Variants in SEMA3F observed in about 807,000 individuals in gnomAD.
SEMA3F encodes semaphorin 3F.
Under a neutral mutation model 98.5 loss-of-function variants are expected in SEMA3F, and 30 were observed. The observed-to-expected ratio is 0.30, with a 90% CI of 0.23 to 0.41. SEMA3F has a LOEUF of 0.41. SEMA3F is among the 10% of genes least tolerant of loss of function. SEMA3F has a pLI of 1.00. For missense variants in SEMA3F, 866 were observed against 1,119.3 expected (o/e 0.77, Z 3.23); for synonymous variants, 380 against 444.8 (o/e 0.85, Z 1.83).
At chr3:50,184,967 G>A (rs776004463) in intron 13 of SEMA3F, among the ~76,000 whole-genome samples, 153 bp downstream of exon 13, 2 of 152,182 alleles carry the variant, frequency 1.3e-5, no homozygotes, top group African/African-American at 4.8e-5. Flanking sequence ...CCCTATTGAT[G>A]GGATAACAGA....
chr3:50,165,159 G>A (rs1475981782), intron 2 of SEMA3F, among the ~76,000 whole-genome samples: 1 of 152,174 alleles, frequency 6.6e-6, no homozygotes, highest in African/African-American at 2.4e-5. Flanking sequence ...CAGGCTTCAT[G>A]GAGGAGGCTG....
Position 50,155,431 on chromosome 3 carries a change from G to T in SEMA3F, c.-182G>T, listed in dbSNP as rs1335732828. On this transcript the variant is annotated 5_prime_UTR_variant, in exon 1 of 19. Transcript: ENST00000002829. This position sits in a 1 kb window ranked among gnomAD's most constrained non-coding sequence, Gnocchi z 4.9. ...AAGCCGCGGCCGCGGCGCCGATCCC[G>T]GCTGAGGCGCAGCGGCGAGAGGTCG... 1 of 279,082 alleles carries T rather than the reference G, an allele frequency of 3.6e-6. No homozygotes were observed. The highest frequency in any genetic ancestry group is 6.6e-6 in the Non-Finnish European group (1 of 152,304). 17.3% of individuals were successfully genotyped at this position (279,082 alleles called of 1,614,324 possible). A position where few individuals can be genotyped will look rare whatever the true frequency, so the allele number is the denominator to read the frequency against.
Position 50,185,662 on chromosome 3 carries a change from C to G in SEMA3F, c.1546-4C>G, listed in dbSNP as rs759901895. 16 of 1,614,028 alleles carry G rather than the reference C, an allele frequency of 9.9e-6. No homozygotes were observed. The highest frequency in any genetic ancestry group is 8.5e-7 in the Non-Finnish European group (1 of 1,180,022). Reference sequence around the variant, plus strand: ...ATCCCAAGCTGATCTTTATCTTTTTCTAGGATCCAGCACCCGTCAAGACCA... The same window carrying G: ...ATCCCAAGCTGATCTTTATCTTTTTGTAGGATCCAGCACCCGTCAAGACCA... On this transcript the variant is annotated splice_region_variant and splice_polypyrimidine_tract_variant and intron_variant, in intron 14 of 18. Transcript: ENST00000002829.
rs1194731992 is a variant in SEMA3F, at chr3:50,186,661, C to T, written c.1862C>T (p.Ala621Val). The T allele has an allele frequency of 1.2e-6, 2 of 1,609,266 alleles. No individual in the cohort carries two copies. The highest frequency in any genetic ancestry group is 1.1e-5 in the South Asian group (1 of 90,898). ...ESVQYGVAGS[A>V]AFLECQPRSP... ...GTGCAGTATGGCGTGGCCGGCAGCGCAGCCTTCCTTGAGTGCCAGCCCCGC... is the reference window on the plus strand; with the variant it reads ...GTGCAGTATGGCGTGGCCGGCAGCGTAGCCTTCCTTGAGTGCCAGCCCCGC... Residue 621 changes from alanine (A) to valine (V), a missense_variant, in exon 18 of 19, where the codon GCA becomes GTA. Coordinates refer to ENST00000002829, the MANE Select transcript of SEMA3F (RefSeq NM_004186.5).
chr3:50,188,094 G>T lies in SEMA3F; in HGVS notation c.2337G>T (p.Arg779=). 6.5e-7 allele frequency: 1 copy of T among 1,540,556 alleles called. No homozygotes were observed. The highest frequency in any genetic ancestry group is 8.7e-7 in the Non-Finnish European group (1 of 1,142,962). The change falls in exon 19 of 19, where the codon CGG becomes CGT. Residue 779 remains arginine (R), a synonymous_variant. Coordinates refer to ENST00000002829, the MANE Select transcript of SEMA3F (RefSeq NM_004186.5). This position sits in a 1 kb window ranked among gnomAD's most constrained non-coding sequence, Gnocchi z 4.5. The stretch of plus-strand genomic sequence containing the variant: ...ACCAGAAAAAGCCCCGGAACCGCCG[G>T]CACCACCCTCCGGACACATGAGGCC... ...PQDQKKPRNR[R]HHPPDT
At chr3:50,174,012 A>G (rs1239379096) in intron 3 of SEMA3F, 40 bp from the exon 4 acceptor site, 3 of 1,614,002 alleles carry the variant, frequency 1.9e-6, no homozygotes, top group Non-Finnish European at 2.5e-6. Flanking sequence ...GGCTCAGGGC[A>G]TGTCCAGAAG....
Position 50,185,959 on chromosome 3 carries a change from C to T in SEMA3F, c.1658C>T (p.Ala553Val), listed in dbSNP as rs1409106610. 4 of 1,614,118 alleles carry T rather than the reference C, an allele frequency of 2.5e-6. No homozygotes were observed. The highest frequency in any genetic ancestry group is 1.7e-5 in the Admixed American group (1 of 60,030). ...CTGCACCGCTGCCAGGCGTATGGGG[C>T]TGCCTGTGCTGACTGCTGCCTTGCC... is the stretch of plus-strand genomic sequence containing the variant. The part of the protein sequence containing the change: ...LSLHRCQAYG[A>V]ACADCCLARD... The change falls in exon 16 of 19, where the codon GCT becomes GTT. Residue 553 changes from alanine (A) to valine (V), a missense_variant. Ala to Val is a moderately conservative substitution (Grantham distance 64). This residue lies in a region of SEMA3F where 374 missense variants were observed against 582.8 expected (regional missense o/e 0.64). Transcript: ENST00000002829.
Position 50,188,061 on chromosome 3 carries a change from G to A in SEMA3F, c.2304G>A (p.Glu768=), listed in dbSNP as rs1699301208. Residue 768 remains glutamate (E), a synonymous_variant, in exon 19 of 19, where the codon GAG becomes GAA. Transcript: ENST00000002829. The surrounding 1 kb of genome is among the most constrained non-coding windows in gnomAD (Gnocchi z 4.5). ...REAPGAPRSP[E]PQDQKKPRNR... Reference sequence around the variant, plus strand: ...CTCCAGGGGCACCCCGGTCTCCTGAGCCCCAGGACCAGAAAAAGCCCCGGA... The same window carrying A: ...CTCCAGGGGCACCCCGGTCTCCTGAACCCCAGGACCAGAAAAAGCCCCGGA... The A allele has an allele frequency of 5.1e-6, 8 of 1,575,060 alleles. No individual in the cohort carries two copies. In the East Asian group the frequency reaches 1.6e-4, roughly 32 times the overall value.
intron 1 of SEMA3F, among the ~76,000 whole-genome samples, chr3:50,157,931 G>C (rs1698057312): frequency 6.6e-6 from 1 of 152,230 alleles, no homozygotes; most frequent in African/African-American, 2.4e-5. Context: ...GAGGGACTCA[G>C]ACGGCATCTT....
chr3:50,184,004 G>T (rs1575407344), intron 12 of SEMA3F, among the ~76,000 whole-genome samples: 2 of 152,324 alleles, frequency 1.3e-5, no homozygotes, highest in Middle Eastern at 6.8e-3. Flanking sequence ...AGCCTAAGCA[G>T]GAGAGCAGCG....
chr3:50,175,044 T>TCCCCCC, intron 5 of SEMA3F, 52 bp from the exon 6 acceptor site: 16 of 1,297,296 alleles, frequency 1.2e-5, no homozygotes, highest in Non-Finnish European at 1.7e-5. Flanking sequence ...CCGAGCCCGC[T>TCCCCCC]CCCCCAGCCC....
At chr3:50,173,119 A>G (rs2109085539) in intron 2 of SEMA3F, among the ~76,000 whole-genome samples, 1 of 152,220 alleles carries the variant, frequency 6.6e-6, no homozygotes, top group South Asian at 2.1e-4. Context: ...TTGTCCTCTC[A>G]GTCTGTCAGG....
intron 2 of SEMA3F, among the ~76,000 whole-genome samples, chr3:50,172,216 G>T (rs765820791): frequency 1.3e-5 from 2 of 152,186 alleles, no homozygotes; most frequent in Non-Finnish European, 2.9e-5. Flanking sequence ...TGTGTGGTAG[G>T]ACATGTGTGC....
intron 18 of SEMA3F, 103 bp downstream of exon 18, chr3:50,186,849 C>T (rs894633865): frequency 1.3e-5 from 16 of 1,210,966 alleles, no homozygotes; most frequent in Non-Finnish European, 1.7e-5. Flanking sequence ...TGTGAAACCC[C>T]TTCCAAGCTC....
chr3:50,159,306 G>C (rs1449621531), intron 1 of SEMA3F: 1 of 302,430 alleles, frequency 3.3e-6, no homozygotes, highest in Non-Finnish European at 6.0e-6. Context: ...TGGGCCCTGT[G>C]AATGGAATTC....
rs1314531116 is a variant in SEMA3F at position 50,184,548 on chromosome 3, C to G, written c.1234-44C>G. The G allele has an allele frequency of 2.0e-6, 3 of 1,509,950 alleles. No individual in the cohort carries two copies. In the African/African-American group the frequency reaches 4.1e-5, roughly 21 times the overall value. 93.5% of individuals were successfully genotyped at this position (1,509,950 alleles called of 1,614,324 possible). The stretch of plus-strand genomic sequence containing the variant: ...TCTGAAGCTAATGGCTCCAGCCTGC[C>G]CTGCCCAGGCAGCCTGGGACTGACA... On this transcript the variant is annotated intron_variant, in intron 12 of 18. Coordinates refer to ENST00000002829, the MANE Select transcript of SEMA3F (RefSeq NM_004186.5).
intron 7 of SEMA3F, among the ~76,000 whole-genome samples, chr3:50,179,236 T>C (rs567036803): frequency 1.3e-5 from 2 of 152,256 alleles, no homozygotes; most frequent in African/African-American, 2.4e-5. Context: ...TGACTGTCGT[T>C]CGAAGCTTTG....
At chr3:50,185,591 C>T in intron 14 of SEMA3F, 60 bp downstream of exon 14, 1 of 1,612,490 alleles carries the variant, frequency 6.2e-7, no homozygotes, top group South Asian at 1.1e-5. Flanking sequence ...CAGTCCCAGC[C>T]TCTGACCTGA....
Position 50,158,840 on chromosome 3 carries a change from A to G in SEMA3F, c.-48-735A>G, listed in dbSNP as rs1698095537. 6.6e-6 allele frequency among the ~76,000 whole-genome samples: 1 copy of G among 152,316 alleles called. No homozygotes were observed. The highest frequency in any genetic ancestry group is 1.5e-5 in the Non-Finnish European group (1 of 68,034). Reference sequence around the variant, plus strand: ...GGCTATGGGGGATTCTGAAGGTGGCAATGCCGCTGGCCCAGATCCAGCCCC... The same window carrying G: ...GGCTATGGGGGATTCTGAAGGTGGCGATGCCGCTGGCCCAGATCCAGCCCC... On this transcript the variant is annotated intron_variant, in intron 1 of 18. Coordinates refer to ENST00000002829, the MANE Select transcript of SEMA3F (RefSeq NM_004186.5). This position sits in a 1 kb window ranked among gnomAD's most constrained non-coding sequence, Gnocchi z 4.8.
Sources: allele counts gnomAD v4.1 joint callset (sites outside exome capture counted in the v4.1 genomes callset), GRCh38; gene constraint gnomAD v4.1.1; regional missense constraint gnomAD v4.1.1; non-coding constraint Gnocchi (gnomAD v3.1); transcripts MANE v1.5; gene names NCBI Gene and HGNC (gene_info 2026-07-23, HGNC 2026-07-21).